The following WDR55 variants were observed in gnomAD, a reference collection of about 807,000 sequenced individuals.
WDR55 encodes the protein WD repeat-containing protein 55.
WDR55 carries 31 observed loss-of-function variants against 34.0 expected under a neutral mutation model. The observed-to-expected ratio is 0.91, with a 90% CI of 0.69 to 1.23. The LOEUF (loss-of-function observed/expected upper bound fraction) is 1.23, where lower values mean the gene tolerates loss of function less well. Ranked by LOEUF, WDR55 falls within the 50% of genes most tolerant of loss-of-function variation. The pLI, the probability that WDR55 is intolerant of heterozygous loss-of-function variation, is 0.00. For missense variants in WDR55, 440 were observed against 494.6 expected, an observed-to-expected ratio of 0.89 and a Z score of 1.05; for synonymous variants, 164 against 185.9, an observed-to-expected ratio of 0.88 and a Z score of 0.96.
chr5:140,672,107 G>A lies in WDR55; in HGVS notation c.*2453G>A. On this transcript the variant is annotated 3_prime_UTR_variant, in exon 7 of 7. Transcript: ENST00000358337. Reference sequence around the variant, plus strand: ...ATTCTCATAACAGTCTGAGGAAACAGATTCTATAGTAGTAAAAAGCTCAGT... The same window carrying A: ...ATTCTCATAACAGTCTGAGGAAACAAATTCTATAGTAGTAAAAAGCTCAGT... 1 of 544,974 alleles carries A rather than the reference G, an allele frequency of 1.8e-6. No homozygotes were observed. The highest frequency in any genetic ancestry group is 2.1e-5 in the South Asian group (1 of 46,718). The allele number at this position is 544,974 out of a possible 1,614,324, so 33.8% of individuals were successfully genotyped here. A position where few individuals can be genotyped will look rare whatever the true frequency, so the allele number is the denominator to read the frequency against.
Position 140,671,935 on chromosome 5 carries a change from C to G in WDR55, c.*2281C>G, listed in dbSNP as rs1442406819. 1.5e-6 allele frequency: 1 copy of G among 668,980 alleles called. No individual in the cohort carries two copies. The highest frequency in any genetic ancestry group is 2.6e-6 in the Non-Finnish European group (1 of 388,962). The allele number at this position is 668,980 out of a possible 1,614,324, so 41.4% of individuals were successfully genotyped here. A position where few individuals can be genotyped will look rare whatever the true frequency, so the allele number is the denominator to read the frequency against. On this transcript the variant is annotated 3_prime_UTR_variant, in exon 7 of 7. Coordinates refer to ENST00000358337, the MANE Select transcript of WDR55 (RefSeq NM_017706.5). ...TTATTTGCAAAGGGAGTATAACACA[C>G]TGCTACCTTACAAGTTTCCTTGGAG... is the stretch of plus-strand genomic sequence containing the variant.
chr5:140,667,759 A>G (rs1164138364), intron 1 of WDR55: 1 of 153,998 alleles, frequency 6.5e-6, no homozygotes, highest in Non-Finnish European at 1.4e-5. Flanking sequence ...CCCCACCTCC[A>G]TTTTGATCTT....
intron 1 of WDR55, among the ~76,000 whole-genome samples, chr5:140,665,519 G>C (rs999589821): frequency 1.3e-5 from 2 of 151,884 alleles, no homozygotes; most frequent in Non-Finnish European, 2.9e-5. Context: ...CACCACGCCC[G>C]GCTAATTTTT....
intron 1 of WDR55, 180 bp from the exon 2 acceptor site, chr5:140,668,054 G>A (rs2149812065): frequency 1.6e-6 from 1 of 627,380 alleles, no homozygotes; most frequent in Non-Finnish European, 2.6e-6. Flanking sequence ...GAAAAAAGCA[G>A]GACCTAACAT....
chr5:140,664,912 C>G lies in WDR55; in HGVS notation c.-1C>G, dbSNP rs745462622. On this transcript the variant is annotated 5_prime_UTR_variant, in exon 1 of 7. Coordinates refer to ENST00000358337, the MANE Select transcript of WDR55 (RefSeq NM_017706.5). The stretch of plus-strand genomic sequence containing the variant: ...CGGCGCGGCTCGCAGTCCTTCTCAG[C>G]ATGGACCGCACTTGTGAGGAGAGGC... 6.3e-7 allele frequency: 1 copy of G among 1,597,558 alleles called. No homozygotes were observed. Among genetic ancestry groups the G allele is most frequent in the Non-Finnish European group, 8.5e-7 (1 of 1,172,408 alleles).
At position 140,671,877 on chromosome 5, in the gene WDR55, G is replaced by T; in HGVS notation, c.*2223G>T. 1 of 1,063,684 alleles carries T rather than the reference G, an allele frequency of 9.4e-7. No individual in the cohort carries two copies. The highest frequency in any genetic ancestry group is 1.4e-6 in the Non-Finnish European group (1 of 709,854). The allele number at this position is 1,063,684 out of a possible 1,614,324, so 65.9% of individuals were successfully genotyped here. A position where few individuals can be genotyped will look rare whatever the true frequency, so the allele number is the denominator to read the frequency against. On this transcript the variant is annotated 3_prime_UTR_variant, in exon 7 of 7. Transcript: ENST00000358337. ...CCCATTTCCTGGTAGTGTGACCATG[G>T]GTAAGAAAAGACAATGAAGCCTTCA...
At position 140,665,054 on chromosome 5, in the gene WDR55, C is replaced by T. The variant is rs1360249944; in HGVS notation, c.142C>T (p.Pro48Ser). Residue 48 changes from proline (P) to serine (S), a missense_variant, in exon 1 of 7, where the codon CCG becomes TCG. Transcript: ENST00000358337. ...EAPASGLAFH[P>S]ARDLLAAGDV... ...TCCGGCTAGTGGGCTGGCGTTCCAT[C>T]CGGCCCGTGACCTACTGGCTGCAGG... is the stretch of plus-strand genomic sequence containing the variant. 1.9e-6 allele frequency: 3 copies of T among 1,612,730 alleles called. No homozygotes were observed. The highest frequency in any genetic ancestry group is 2.5e-6 in the Non-Finnish European group (3 of 1,179,096).
At chr5:140,668,579 A>G in intron 3 of WDR55, 33 bp from the exon 4 acceptor site, 15 of 1,610,522 alleles carry the variant, frequency 9.3e-6, no homozygotes, top group Non-Finnish European at 1.3e-5. Flanking sequence ...TGGGACAGAG[A>G]TGCTCCAAGA....
chr5:140,671,244 A>G lies in WDR55; in HGVS notation c.*1590A>G. On this transcript the variant is annotated 3_prime_UTR_variant, in exon 7 of 7. Transcript: ENST00000358337. Reference sequence around the variant, plus strand: ...CCCAGGCCTGCTGGGATGGGGCCTGACACAGGCTCTGCATGCCCATTCAGG... The same window carrying G: ...CCCAGGCCTGCTGGGATGGGGCCTGGCACAGGCTCTGCATGCCCATTCAGG... 2 of 1,608,708 alleles carry G rather than the reference A, an allele frequency of 1.2e-6. No homozygotes were observed. Among genetic ancestry groups the G allele is most frequent in the Non-Finnish European group, 1.7e-6 (2 of 1,177,154 alleles).
At position 140,671,518 on chromosome 5, in the gene WDR55, G is replaced by A. The variant is rs1355215133; in HGVS notation, c.*1864G>A. The A allele has an allele frequency of 3.2e-6, 5 of 1,581,582 alleles. No homozygotes were observed. Among genetic ancestry groups the A allele is most frequent in the East Asian group, 2.4e-5 (1 of 42,514 alleles). On this transcript the variant is annotated 3_prime_UTR_variant, in exon 7 of 7. Coordinates refer to ENST00000358337, the MANE Select transcript of WDR55 (RefSeq NM_017706.5). Reference sequence around the variant, plus strand: ...AGCGGTGCCAGCCAGCAGGTCCTATGCCCAAACACTTGGTGAGGAACACAG... The same window carrying A: ...AGCGGTGCCAGCCAGCAGGTCCTATACCCAAACACTTGGTGAGGAACACAG...
chr5:140,669,809 C>A lies in WDR55; in HGVS notation c.*155C>A. 1.4e-6 allele frequency: 1 copy of A among 717,784 alleles called. No homozygotes were observed. The highest frequency in any genetic ancestry group is 2.3e-6 in the Non-Finnish European group (1 of 436,564). 44.5% of individuals were successfully genotyped at this position (717,784 alleles called of 1,614,324 possible). On this transcript the variant is annotated 3_prime_UTR_variant, in exon 7 of 7. Transcript: ENST00000358337. The stretch of plus-strand genomic sequence containing the variant: ...CTGGCTTGATCTTGGCTCACTGCAG[C>A]CTCAATGTCCCCAGGCTCAGATTGT...
rs1289067902 is a variant in WDR55, at chr5:140,671,929, A to G, written c.*2275A>G. ...CCTCCATTATTTGCAAAGGGAGTAT[A>G]ACACACTGCTACCTTACAAGTTTCC... On this transcript the variant is annotated 3_prime_UTR_variant, in exon 7 of 7. Coordinates refer to ENST00000358337, the MANE Select transcript of WDR55 (RefSeq NM_017706.5). The G allele has an allele frequency of 1.4e-6, 1 of 692,094 alleles. No homozygotes were observed. The highest frequency in any genetic ancestry group is 2.5e-6 in the Non-Finnish European group (1 of 402,998). The allele number at this position is 692,094 out of a possible 1,614,324, so 42.9% of individuals were successfully genotyped here.
In WDR55 at chr5:140,670,129, A is replaced by C. The variant is rs1302841903; in HGVS notation, c.*475A>C. 1 of 157,972 alleles carries C rather than the reference A, an allele frequency of 6.3e-6. No homozygotes were observed. Among genetic ancestry groups the C allele is most frequent in the Non-Finnish European group, 1.4e-5 (1 of 71,746 alleles). 9.8% of individuals were successfully genotyped at this position (157,972 alleles called of 1,614,324 possible). On this transcript the variant is annotated 3_prime_UTR_variant, in exon 7 of 7. Coordinates refer to ENST00000358337, the MANE Select transcript of WDR55 (RefSeq NM_017706.5). ...ACTGCATCCTTGACTTCCTGGGCTC[A>C]AGTGATCCACCTCAGCCTGCCTGGT...
chr5:140,667,137 C>G (rs1757944322), intron 1 of WDR55: 8 of 985,284 alleles, frequency 8.1e-6, no homozygotes, highest in East Asian at 1.1e-4. Flanking sequence ...TACTACTATC[C>G]ATATTTATGG....
chr5:140,664,907 C>G lies in WDR55; in HGVS notation c.-6C>G. 6.3e-7 allele frequency: 1 copy of G among 1,593,690 alleles called. No individual in the cohort carries two copies. Among genetic ancestry groups the G allele is most frequent in the East Asian group, 2.3e-5 (1 of 43,576 alleles). Reference sequence around the variant, plus strand: ...TGCGGCGGCGCGGCTCGCAGTCCTTCTCAGCATGGACCGCACTTGTGAGGA... The same window carrying G: ...TGCGGCGGCGCGGCTCGCAGTCCTTGTCAGCATGGACCGCACTTGTGAGGA... On this transcript the variant is annotated 5_prime_UTR_variant, in exon 1 of 7. Transcript: ENST00000358337.
intron 1 of WDR55, chr5:140,667,999 T>C: frequency 2.6e-6 from 1 of 390,802 alleles, no homozygotes. Flanking sequence ...TTGGGTGGGA[T>C]CACAAAGAAA....
chr5:140,671,097 C>T lies in WDR55; in HGVS notation c.*1443C>T, dbSNP rs1561991681. Reference sequence around the variant, plus strand: ...GGGCTGGGAGCGGGAGGGCAAGGCCCCTCACCACAACTTAACCCAAACCTA... The same window carrying T: ...GGGCTGGGAGCGGGAGGGCAAGGCCTCTCACCACAACTTAACCCAAACCTA... On this transcript the variant is annotated 3_prime_UTR_variant, in exon 7 of 7. Coordinates refer to ENST00000358337, the MANE Select transcript of WDR55 (RefSeq NM_017706.5). 1.9e-5 allele frequency: 13 copies of T among 698,320 alleles called. No individual in the cohort carries two copies. The highest frequency in any genetic ancestry group is 2.5e-5 in the Non-Finnish European group (10 of 407,696). 43.3% of individuals were successfully genotyped at this position (698,320 alleles called of 1,614,324 possible). A position where few individuals can be genotyped will look rare whatever the true frequency, so the allele number is the denominator to read the frequency against.
chr5:140,671,090 C>G lies in WDR55; in HGVS notation c.*1436C>G. Reference sequence around the variant, plus strand: ...GGACCCTGGGCTGGGAGCGGGAGGGCAAGGCCCCTCACCACAACTTAACCC... The same window carrying G: ...GGACCCTGGGCTGGGAGCGGGAGGGGAAGGCCCCTCACCACAACTTAACCC... On this transcript the variant is annotated 3_prime_UTR_variant, in exon 7 of 7. Transcript: ENST00000358337. 1.5e-6 allele frequency: 1 copy of G among 671,688 alleles called. No homozygotes were observed. Among genetic ancestry groups the G allele is most frequent in the Non-Finnish European group, 2.6e-6 (1 of 386,904 alleles). The allele number at this position is 671,688 out of a possible 1,614,324, so 41.6% of individuals were successfully genotyped here.
chr5:140,670,345 A>AT lies in WDR55; in HGVS notation c.*711dup, dbSNP rs1278137395. ...GCCACTGTGCCTGGCTGGATATGAA[A>AT]TTTTTTTTTTTTTTTTTTTTGAGAC... On this transcript the variant is annotated 3_prime_UTR_variant, in exon 7 of 7. Transcript: ENST00000358337. 28,790 of 131,632 alleles carry AT rather than the reference A, an allele frequency of 0.22. 3,195 individuals carry two copies. Among genetic ancestry groups the AT allele is most frequent in the Non-Finnish European group, 0.23 (14,559 of 62,066 alleles). The allele number at this position is 131,632 out of a possible 1,614,324, so 8.2% of individuals were successfully genotyped here. A position where few individuals can be genotyped will look rare whatever the true frequency, so the allele number is the denominator to read the frequency against.
Sources: allele counts gnomAD v4.1 joint callset (sites outside exome capture counted in the v4.1 genomes callset), GRCh38; gene constraint gnomAD v4.1.1; transcripts MANE v1.5; gene names NCBI Gene and HGNC (gene_info 2026-07-23, HGNC 2026-07-21).